The following PROCR variants were observed in gnomAD, a reference collection of about 807,000 sequenced individuals.
PROCR encodes endothelial protein C receptor.
Under a neutral mutation model 24.2 loss-of-function variants are expected in PROCR, and 22 were observed. The ratio of observed to expected loss-of-function variants is 0.91; its 90% CI spans 0.65 to 1.30. The LOEUF (loss-of-function observed/expected upper bound fraction) is 1.30. Among genes scored for constraint, PROCR ranks in the 50% most tolerant of loss-of-function variants. The pLI, the probability that PROCR is intolerant of heterozygous loss-of-function variation, is 0.00. For missense variants in PROCR, 288 were observed against 307.7 expected, an observed-to-expected ratio of 0.94 and a Z score of 0.48; for synonymous variants, 137 against 139.2, an observed-to-expected ratio of 0.98 and a Z score of 0.11.
At chr20:35,194,474 C>G (rs369821408) in intron 1 of PROCR, among the ~76,000 whole-genome samples, 2 of 152,176 alleles carry the variant, frequency 1.3e-5, no homozygotes, top group South Asian at 2.1e-4. Context: ...GAGTGATGTC[C>G]TGGAGCAGGT....
chr20:35,204,133 A>G (rs1391380351), intron 1 of PROCR, among the ~76,000 whole-genome samples: 1 of 152,184 alleles, frequency 6.6e-6, no homozygotes, highest in East Asian at 1.9e-4. Flanking sequence ...GGATAATAAG[A>G]GAATATTACA....
intron 1 of PROCR, among the ~76,000 whole-genome samples, chr20:35,173,939 C>T (rs1359569770): frequency 6.6e-6 from 1 of 152,130 alleles, no homozygotes; most frequent in Non-Finnish European, 1.5e-5. Flanking sequence ...TGGACTTGAT[C>T]CTGTGGGGAG....
At position 35,206,703 on chromosome 20, in the gene PROCR, C is replaced by T. The variant is rs1486174767; in HGVS notation, c.95-9190C>T. Reference sequence around the variant, plus strand: ...AAATTGAAAAAAATCCCTGACAATACCAATTGTTGGTGAGAAGGCGGAACA... The same window carrying T: ...AAATTGAAAAAAATCCCTGACAATATCAATTGTTGGTGAGAAGGCGGAACA... On this transcript the variant is annotated intron_variant, in intron 1 of 1. Coordinates refer to the PROCR transcript ENST00000634509. 2.0e-5 allele frequency among the ~76,000 whole-genome samples: 3 copies of T among 151,978 alleles called. No individual in the cohort carries two copies. The East Asian group carries it at 5.8e-4, about 29-fold the overall frequency.
downstream of PROCR, among the ~76,000 whole-genome samples, chr20:35,181,338 G>C: frequency 6.6e-6 from 1 of 151,610 alleles, no homozygotes; most frequent in Non-Finnish European, 1.5e-5. Context: ...AAAGTGGTGC[G>C]ATCTCTGCTC....
At chr20:35,205,769 A>ATATATATATATATATG in intron 1 of PROCR, among the ~76,000 whole-genome samples, 1 of 45,928 alleles carries the variant, frequency 2.2e-5, no homozygotes, top group Admixed American at 3.4e-4. Flanking sequence ...ATATATATAT[A>ATATATATATATATATG]TATATATATA....
At chr20:35,182,697 C>T (rs544874130) in intron 1 of PROCR, among the ~76,000 whole-genome samples, 13 of 152,226 alleles carry the variant, frequency 8.5e-5, no homozygotes, top group African/African-American at 3.1e-4. Context: ...GTTATGTGGC[C>T]GGGCATGGTG....
intron 1 of PROCR, among the ~76,000 whole-genome samples, chr20:35,196,487 CAT>C (rs1380440215): frequency 3.3e-5 from 5 of 152,126 alleles, no homozygotes; most frequent in African/African-American, 7.2e-5. Context: ...CAAAAAATCA[CAT>C]GTTACATATG....
chr20:35,176,757 A>G lies in PROCR; in HGVS notation c.661A>G (p.Ile221Val). 6.2e-7 allele frequency: 1 copy of G among 1,614,002 alleles called. No individual in the cohort carries two copies. Among genetic ancestry groups the G allele is most frequent in the Non-Finnish European group, 8.5e-7 (1 of 1,179,996 alleles). Reference protein sequence around the residue: ...LVLGVLVGSFIIAGVAVGIFL... With the variant: ...LVLGVLVGSFVIAGVAVGIFL... ...CCTGGGCGTCCTGGTGGGCAGTTTC[A>G]TCATTGCTGGTGTGGCTGTAGGCAT... The change falls in exon 4 of 4, where the codon ATC (isoleucine) becomes GTC (valine). Residue 221 changes from isoleucine (I) to valine (V), a missense_variant. By Grantham distance (29) the Ile-to-Val change is conservative (BLOSUM62 3). Transcript: ENST00000216968.
At chr20:35,209,006 T>C (rs959283394) in intron 1 of PROCR, among the ~76,000 whole-genome samples, 1 of 152,158 alleles carries the variant, frequency 6.6e-6, no homozygotes, top group African/African-American at 2.4e-5. Flanking sequence ...ATTGAGAGCC[T>C]ACTATATGCC....
At chr20:35,187,154 G>A (rs749849629) in intron 1 of PROCR, among the ~76,000 whole-genome samples, 1 of 152,068 alleles carries the variant, frequency 6.6e-6, no homozygotes, top group Non-Finnish European at 1.5e-5. Context: ...AGGCTCAAAC[G>A]ATCCTCCCAC....
intron 1 of PROCR, among the ~76,000 whole-genome samples, chr20:35,193,419 C>T (rs983174319): frequency 5.3e-5 from 8 of 152,192 alleles, no homozygotes; most frequent in African/African-American, 1.9e-4. Context: ...CGTGATCTGC[C>T]TGCCTCAGCC....
At chr20:35,185,327 A>C (rs1419080011) in intron 1 of PROCR, among the ~76,000 whole-genome samples, 2 of 152,198 alleles carry the variant, frequency 1.3e-5, no homozygotes, top group African/African-American at 4.8e-5. Flanking sequence ...AACAGCGTGG[A>C]GATTCCTTAA....
chr20:35,206,047 A>C (rs2060341390), intron 1 of PROCR, among the ~76,000 whole-genome samples: 1 of 150,736 alleles, frequency 6.6e-6, no homozygotes, highest in Non-Finnish European at 1.5e-5. Flanking sequence ...ATTTTATTTT[A>C]TTTTTGGTAG....
chr20:35,177,710 G>A (rs925415612), downstream of PROCR, among the ~76,000 whole-genome samples: 1 of 151,916 alleles, frequency 6.6e-6, no homozygotes, highest in African/African-American at 2.4e-5. Context: ...GGGATTAGAC[G>A]TGAGCCACTG....
chr20:35,175,944 T>C (rs552685223), intron 2 of PROCR, among the ~76,000 whole-genome samples: 1 of 151,844 alleles, frequency 6.6e-6, no homozygotes, highest in African/African-American at 2.4e-5. Context: ...CAATTCCCTT[T>C]TTTCATCACA....
intron 3 of PROCR, 108 bp from the exon 4 acceptor site, chr20:35,176,590 T>G (rs2086021212): frequency 3.2e-6 from 5 of 1,580,104 alleles, no homozygotes; most frequent in Non-Finnish European, 4.3e-6. Flanking sequence ...TTCAGTCAGT[T>G]GGTAAACGGG....
At chr20:35,176,602 C>G in intron 3 of PROCR, 96 bp from the exon 4 acceptor site, 2 of 1,573,388 alleles carry the variant, frequency 1.3e-6, no homozygotes, top group Non-Finnish European at 1.7e-6. Flanking sequence ...GTAAACGGGT[C>G]CCTTTCCTCT....
intron 1 of PROCR, among the ~76,000 whole-genome samples, chr20:35,174,063 T>G (rs1036120908): frequency 6.6e-6 from 1 of 152,196 alleles, no homozygotes; most frequent in Non-Finnish European, 1.5e-5. Context: ...TAATAGTAGC[T>G]ATTGCATTAA....
rs757532803 is a variant in PROCR at position 35,176,843 on chromosome 20, G to T, written c.*30G>T. On this transcript the variant is annotated 3_prime_UTR_variant, in exon 4 of 4. Transcript: ENST00000216968. ...TCTCCAGCCCCCTCAGAAGGGGCTG[G>T]ATTGATGGAGGCTGGCAAGGGAAAG... 6.2e-7 allele frequency: 1 copy of T among 1,608,884 alleles called. No homozygotes were observed. Among genetic ancestry groups the T allele is most frequent in the Admixed American group, 1.7e-5 (1 of 59,104 alleles).
Sources: gnomAD v4.1 joint callset for allele counts (sites outside exome capture counted in the v4.1 genomes callset) on GRCh38, gnomAD v4.1.1 for gene constraint, MANE v1.5 for transcripts, NCBI Gene and HGNC (gene_info 2026-07-23, HGNC 2026-07-21) for gene names.